GRM7: variants seen among roughly 807,000 people sequenced by gnomAD.
The protein encoded by GRM7 is metabotropic glutamate receptor 7.
Under a neutral mutation model 84.5 loss-of-function variants are expected in GRM7, and 35 were observed. The ratio of observed to expected loss-of-function variants is 0.41; its 90% CI spans 0.32 to 0.55. The LOEUF is 0.55. GRM7 is among the 20% of genes least tolerant of loss of function. The pLI, the probability that GRM7 is intolerant of heterozygous loss-of-function variation, is 0.19. For synonymous variants in GRM7, 487 were observed against 455.1 expected (o/e 1.07, Z -0.89); for missense variants, 1,003 against 1,194.6 (o/e 0.84, Z 2.36).
At chr3:6,866,022 T>C (rs964105852) in intron 1 of GRM7, among the ~76,000 whole-genome samples, 2 of 152,204 alleles carry the variant, frequency 1.3e-5, no homozygotes, top group Non-Finnish European at 2.9e-5. Flanking sequence ...AGGGAAGGAA[T>C]GAAGACATGC....
At chr3:7,595,586 G>A (rs767028609) in intron 8 of GRM7, among the ~76,000 whole-genome samples, 3 of 152,150 alleles carry the variant, frequency 2.0e-5, no homozygotes, top group Non-Finnish European at 2.9e-5. Flanking sequence ...TTGCTTAAAT[G>A]CTGTGATATG....
At chr3:7,730,101 T>C (rs902563758) in intron 9 of GRM7, among the ~76,000 whole-genome samples, 1 of 148,802 alleles carries the variant, frequency 6.7e-6, no homozygotes, top group Non-Finnish European at 1.5e-5. Context: ...TTTCGATCTG[T>C]TGACCTTATG....
chr3:7,060,293 G>A (rs894332485), intron 1 of GRM7, among the ~76,000 whole-genome samples: 5 of 151,766 alleles, frequency 3.3e-5, no homozygotes, highest in African/African-American at 4.8e-5. Flanking sequence ...TAAAGCTATT[G>A]GAAACGGCTT....
chr3:7,230,381 A>T (rs1036172071), intron 2 of GRM7, among the ~76,000 whole-genome samples: 1 of 152,118 alleles, frequency 6.6e-6, no homozygotes, highest in Admixed American at 6.5e-5. Flanking sequence ...CTAGGTTTTC[A>T]TCTCATCTGT....
rs1213652565 is a variant in GRM7, at chr3:7,741,348, C to T, written c.*942C>T. 6.6e-6 allele frequency: 1 copy of T among 152,332 alleles called. No individual in the cohort carries two copies. The highest frequency in any genetic ancestry group is 1.5e-5 in the Non-Finnish European group (1 of 67,984). 9.4% of individuals were successfully genotyped at this position (152,332 alleles called of 1,614,324 possible). ...CTTTGACTGATCAGTGTGATAAGGA[C>T]TTTAGGAAAAAAAGCATGTATGTTT... On this transcript the variant is annotated 3_prime_UTR_variant, in exon 10 of 10. Transcript: ENST00000357716.
intron 4 of GRM7, among the ~76,000 whole-genome samples, chr3:7,353,742 T>G (rs1315279075): frequency 6.6e-6 from 1 of 152,060 alleles, no homozygotes; most frequent in Non-Finnish European, 1.5e-5. Context: ...CCACAGTCAC[T>G]CAATTGGAAA....
chr3:7,348,596 G>A (rs990017647), intron 4 of GRM7, among the ~76,000 whole-genome samples: 21 of 152,064 alleles, frequency 1.4e-4, no homozygotes, highest in Non-Finnish European at 2.6e-4. Flanking sequence ...GGTGGCATTT[G>A]TCCACACAAT....
chr3:7,435,965 G>A (rs1301634329), intron 5 of GRM7, among the ~76,000 whole-genome samples: 1 of 147,206 alleles, frequency 6.8e-6, no homozygotes, highest in Non-Finnish European at 1.5e-5. Flanking sequence ...GCTTCTTAAA[G>A]TGCTGGGATT....
At chr3:7,614,715 A>G (rs756386545) in intron 8 of GRM7, among the ~76,000 whole-genome samples, 1 of 152,174 alleles carries the variant, frequency 6.6e-6, no homozygotes, top group Non-Finnish European at 1.5e-5. Context: ...GACAATTACA[A>G]TATACAGGCA....
intron 1 of GRM7, among the ~76,000 whole-genome samples, chr3:7,075,496 A>ATGTGTGTG (rs376048569): frequency 0.029 from 3,991 of 138,432 alleles, 81 homozygotes; most frequent in Non-Finnish European, 0.039. Context: ...TGCTTCTCAG[A>ATGTGTGTG]TGTGTGTGTG....
chr3:7,694,145 T>G (rs975821051), intron 9 of GRM7, among the ~76,000 whole-genome samples: 4 of 152,168 alleles, frequency 2.6e-5, no homozygotes, highest in Non-Finnish European at 5.9e-5. Flanking sequence ...TTATCATTAA[T>G]GCCAAGCAAG....
rs8179936 is a variant in GRM7, at chr3:7,546,751, A to G, written c.1516-31671A>G. 2.6e-3 allele frequency among the ~76,000 whole-genome samples: 397 copies of G among 152,294 alleles called. 13 individuals are homozygous for G. In the East Asian group the frequency reaches 0.068, roughly 26 times the overall value. ...GTTTCCATATTCTAGTTTTTCTGTA[A>G]CAACTATGTAGCATTTGCACAATAA... is the stretch of plus-strand genomic sequence containing the variant. On this transcript the variant is annotated intron_variant, in intron 7 of 9. Transcript: ENST00000357716.
chr3:7,146,166 T>G (rs1694104563), intron 1 of GRM7, among the ~76,000 whole-genome samples: 1 of 152,184 alleles, frequency 6.6e-6, no homozygotes. Context: ...ATAAATCTTT[T>G]TCTTCTAAAC....
At chr3:7,356,880 C>T (rs1478693021) in intron 4 of GRM7, among the ~76,000 whole-genome samples, 1 of 147,076 alleles carries the variant, frequency 6.8e-6, no homozygotes, top group Non-Finnish European at 1.5e-5. Flanking sequence ...TCTCATCCTC[C>T]AGCTTGTAGA....
At chr3:7,273,730 T>C (rs1698950892) in intron 2 of GRM7, among the ~76,000 whole-genome samples, 1 of 152,006 alleles carries the variant, frequency 6.6e-6, no homozygotes, top group South Asian at 2.1e-4. Context: ...TTTTAATCTA[T>C]ACGAGTCTTT....
At chr3:7,241,772 C>G (rs1397281282) in intron 2 of GRM7, among the ~76,000 whole-genome samples, 1 of 152,100 alleles carries the variant, frequency 6.6e-6, no homozygotes, top group Non-Finnish European at 1.5e-5. Context: ...CGTGATTTCT[C>G]CAACCAGCTT....
chr3:7,320,623 A>C (rs1056395535), intron 4 of GRM7, among the ~76,000 whole-genome samples: 2 of 151,602 alleles, frequency 1.3e-5, no homozygotes, highest in Non-Finnish European at 2.9e-5. Context: ...CTGTTTCCTC[A>C]AATGACAAGG....
At chr3:7,135,067 A>C (rs1693728754) in intron 1 of GRM7, among the ~76,000 whole-genome samples, 1 of 152,192 alleles carries the variant, frequency 6.6e-6, no homozygotes, top group African/African-American at 2.4e-5. Flanking sequence ...AATTGATGAT[A>C]ACTTCCATCA....
chr3:7,631,375 A>C (rs199702944), intron 8 of GRM7, among the ~76,000 whole-genome samples: 1 of 48,580 alleles, frequency 2.1e-5, no homozygotes, highest in Non-Finnish European at 4.0e-5. Context: ...TTCAACAGAG[A>C]CCACCACAGG....
Sources: gnomAD v4.1 joint callset for allele counts (sites outside exome capture counted in the v4.1 genomes callset) on GRCh38, gnomAD v4.1.1 for gene constraint, MANE v1.5 for transcripts, NCBI Gene and HGNC (gene_info 2026-07-23, HGNC 2026-07-21) for gene names.